The following ERC2 variants were observed in gnomAD, a reference collection of about 807,000 sequenced individuals.
ERC2 encodes the protein ELKS/RAB6-interacting/CAST family member 2, also known as ERC protein 2.
Under a neutral mutation model 114.8 loss-of-function variants are expected in ERC2, and 42 were observed. The ratio of observed to expected loss-of-function variants is 0.37; its 90% confidence interval spans 0.29 to 0.47. ERC2 has a LOEUF of 0.47. ERC2 is among the 20% of genes least tolerant of loss of function. ERC2 has a pLI of 0.99. For synonymous variants in ERC2, 454 were observed against 425.5 expected, an observed-to-expected ratio of 1.07 and a Z score of -0.82; for missense variants, 939 against 1,150.7, an observed-to-expected ratio of 0.82 and a Z score of 2.66.
chr3:55,682,556 C>T (rs915302936), intron 17 of ERC2, among the ~76,000 whole-genome samples: 6 of 152,246 alleles, frequency 3.9e-5, no homozygotes, highest in South Asian at 4.2e-4. Context: ...AACAATGAAA[C>T]GTCACCCACA....
At position 56,086,041 on chromosome 3, in the gene ERC2, G is replaced by C. The variant is rs528854397; in HGVS notation, c.1474-5057C>G. 1.6e-4 allele frequency among the ~76,000 whole-genome samples: 25 copies of C among 152,244 alleles called. No individual in the cohort carries two copies. The South Asian group carries it at 5.2e-3, about 32-fold the overall frequency. On this transcript the variant is annotated intron_variant, in intron 6 of 17. Coordinates refer to ENST00000288221, the MANE Select transcript of ERC2 (RefSeq NM_015576.3). ...CTGTAATCATGAGAGAGAGAGTCAAGGGCTCTTAAAATTATTTGGTGTTGA... is the reference window on the plus strand; with the variant it reads ...CTGTAATCATGAGAGAGAGAGTCAACGGCTCTTAAAATTATTTGGTGTTGA...
At chr3:55,739,477 T>C (rs879601428) in intron 14 of ERC2, among the ~76,000 whole-genome samples, 13 of 152,234 alleles carry the variant, frequency 8.5e-5, no homozygotes, top group Non-Finnish European at 1.5e-4. Flanking sequence ...TAGTACGTCA[T>C]TGTGGTTTTG....
At chr3:56,121,147 C>T (rs981019968) in intron 6 of ERC2, among the ~76,000 whole-genome samples, 7 of 152,122 alleles carry the variant, frequency 4.6e-5, no homozygotes, top group African/African-American at 7.2e-5. Flanking sequence ...GGGGATAGTT[C>T]TATCTATTTT....
At chr3:55,783,366 G>T (rs1372747045) in intron 14 of ERC2, among the ~76,000 whole-genome samples, 1 of 152,146 alleles carries the variant, frequency 6.6e-6, no homozygotes, top group Non-Finnish European at 1.5e-5. Context: ...CAGGGCTAAG[G>T]TAAGGTCTAA....
At chr3:55,568,463 G>A (rs879669064) in intron 17 of ERC2, among the ~76,000 whole-genome samples, 5 of 152,166 alleles carry the variant, frequency 3.3e-5, no homozygotes, top group South Asian at 2.1e-4. Context: ...TCTGGATGGC[G>A]GCAGCCTCAC....
chr3:56,423,109 A>G (rs1395420898), intron 2 of ERC2, among the ~76,000 whole-genome samples: 4 of 152,272 alleles, frequency 2.6e-5, no homozygotes, highest in Non-Finnish European at 4.4e-5. Context: ...TTACCAATCC[A>G]TAATTGGAAG....
chr3:56,255,387 C>T (rs1394456416), intron 3 of ERC2, among the ~76,000 whole-genome samples: 1 of 152,214 alleles, frequency 6.6e-6, no homozygotes, highest in Admixed American at 6.5e-5. Context: ...GTCTCAGCTC[C>T]CTTTGATAGC....
chr3:56,272,890 G>T (rs1193868083), intron 3 of ERC2, among the ~76,000 whole-genome samples: 1 of 152,238 alleles, frequency 6.6e-6, no homozygotes, highest in Non-Finnish European at 1.5e-5. Context: ...TATGGGAACA[G>T]CCCTTGCATC....
intron 3 of ERC2, among the ~76,000 whole-genome samples, chr3:56,193,391 C>T (rs1041938093): frequency 6.6e-6 from 1 of 151,932 alleles, no homozygotes; most frequent in African/African-American, 2.4e-5. Flanking sequence ...GCATGTAATC[C>T]CAGCTATTCA....
chr3:56,274,820 G>C (rs1052202956), intron 3 of ERC2, among the ~76,000 whole-genome samples: 2 of 152,230 alleles, frequency 1.3e-5, no homozygotes, highest in South Asian at 2.1e-4. Flanking sequence ...GACATGGTGA[G>C]AGAAAGAAGA....
At chr3:55,696,288 T>C (rs998169438) in intron 16 of ERC2, among the ~76,000 whole-genome samples, 4 of 152,232 alleles carry the variant, frequency 2.6e-5, no homozygotes, top group African/African-American at 9.6e-5. Flanking sequence ...GATCTCTTAA[T>C]AAAGTTCAAG....
At chr3:56,214,105 C>T (rs13082749) in intron 3 of ERC2, among the ~76,000 whole-genome samples, 68,358 of 152,026 alleles carry the variant, frequency 0.45, 15,903 homozygotes, top group East Asian at 0.71. Context: ...GCCTCTCCTC[C>T]TCCAAAGGAA....
At chr3:56,040,039 G>T (rs1368755978) in intron 7 of ERC2, among the ~76,000 whole-genome samples, 1 of 151,974 alleles carries the variant, frequency 6.6e-6, no homozygotes, top group African/African-American at 2.4e-5. Context: ...CTGCAAAACT[G>T]CCCAAAGAAA....
chr3:56,180,990 A>G (rs570401628), intron 3 of ERC2, among the ~76,000 whole-genome samples: 2 of 152,324 alleles, frequency 1.3e-5, no homozygotes, highest in East Asian at 3.9e-4. Flanking sequence ...AAAGCTAACA[A>G]TACAGTACGC....
chr3:55,689,965 G>T (rs1432987105), intron 16 of ERC2, among the ~76,000 whole-genome samples: 1 of 152,100 alleles, frequency 6.6e-6, no homozygotes, highest in East Asian at 1.9e-4. Context: ...CATCCCTGTT[G>T]GTAGCATTAA....
At chr3:55,955,476 A>G (rs547020554) in intron 12 of ERC2, among the ~76,000 whole-genome samples, 23 of 152,326 alleles carry the variant, frequency 1.5e-4, no homozygotes, top group African/African-American at 5.1e-4. Flanking sequence ...AACTTTATAT[A>G]CATGGAATCA....
At chr3:55,936,354 G>A (rs2149413661) in intron 13 of ERC2, among the ~76,000 whole-genome samples, 1 of 135,686 alleles carries the variant, frequency 7.4e-6, no homozygotes, top group Middle Eastern at 3.9e-3. Flanking sequence ...CTCTGTTTTG[G>A]ATACGTAAGA....
chr3:56,451,810 C>A (rs1407255518), intron 1 of ERC2, among the ~76,000 whole-genome samples: 4 of 152,174 alleles, frequency 2.6e-5, no homozygotes, highest in South Asian at 2.1e-4. Flanking sequence ...AGGTCCAAAG[C>A]CTTCCATTTA....
chr3:55,806,638 G>C (rs1407373556), intron 14 of ERC2, among the ~76,000 whole-genome samples: 1 of 152,186 alleles, frequency 6.6e-6, no homozygotes, highest in Non-Finnish European at 1.5e-5. Context: ...CCAATGGGCA[G>C]AGGCCAGGGA....
Sources: gnomAD v4.1 joint callset for allele counts (sites outside exome capture counted in the v4.1 genomes callset) on GRCh38, gnomAD v4.1.1 for gene constraint, MANE v1.5 for transcripts, NCBI Gene and HGNC (gene_info 2026-07-23, HGNC 2026-07-21) for gene names.